JAKMIP1: variants seen among roughly 807,000 people sequenced by gnomAD.
JAKMIP1 encodes janus kinase and microtubule interacting protein 1.
A neutral mutation model predicts 113.0 loss-of-function variants in JAKMIP1; 33 were observed. That is an observed-to-expected ratio of 0.29 (90% CI 0.22 to 0.39). The LOEUF is 0.39. Ranked by LOEUF, JAKMIP1 falls within the 10% of genes least tolerant of loss-of-function variation. The pLI is 1.00. For missense variants in JAKMIP1, 813 were observed against 1,080.5 expected (o/e 0.75, Z 3.47); for synonymous variants, 480 against 459.9 (o/e 1.04, Z -0.56).
chr4:6,175,621 A>T (rs1725257453), intron 1 of JAKMIP1, among the ~76,000 whole-genome samples: 1 of 152,206 alleles, frequency 6.6e-6, no homozygotes, highest in African/African-American at 2.4e-5. Context: ...GACTCACTCC[A>T]GCATGGCTGG....
At chr4:6,055,849 C>CA (rs1307272773) in intron 12 of JAKMIP1, among the ~76,000 whole-genome samples, 2 of 148,952 alleles carry the variant, frequency 1.3e-5, no homozygotes, top group Non-Finnish European at 1.5e-5. Flanking sequence ...AGGGTATCCC[C>CA]AGAGGTCGGG....
intron 8 of JAKMIP1, among the ~76,000 whole-genome samples, chr4:6,075,457 GGGA>G (rs1719573331): frequency 6.6e-6 from 1 of 152,110 alleles, no homozygotes. Context: ...GTAGGAACAT[GGGA>G]GAAAACTTGG....
intron 1 of JAKMIP1, among the ~76,000 whole-genome samples, chr4:6,171,873 G>A (rs1367258613): frequency 6.6e-6 from 1 of 152,122 alleles, no homozygotes; most frequent in Non-Finnish European, 1.5e-5. Context: ...CATTAAGTGG[G>A]GACAATGCCT....
At chr4:6,043,879 G>A (rs1242924241) in intron 16 of JAKMIP1, among the ~76,000 whole-genome samples, 1 of 151,982 alleles carries the variant, frequency 6.6e-6, no homozygotes, top group African/African-American at 2.4e-5. Context: ...AGTGTGGGGT[G>A]GCCCCTGTGA....
intron 18 of JAKMIP1, among the ~76,000 whole-genome samples, chr4:6,039,823 GTCTT>G (rs1714078741): frequency 6.6e-6 from 1 of 152,086 alleles, no homozygotes; most frequent in Admixed American, 6.5e-5. Flanking sequence ...CCTGCTCTCT[GTCTT>G]CCTGGAGCCT....
chr4:6,127,323 A>G (rs1717837323), intron 1 of JAKMIP1, among the ~76,000 whole-genome samples: 1 of 152,216 alleles, frequency 6.6e-6, no homozygotes, highest in South Asian at 2.1e-4. Context: ...CGGAGCCACA[A>G]GCATGGCACA....
Position 6,065,427 on chromosome 4 carries a change from AAGG to A in JAKMIP1, c.1303-422_1303-420del, listed in dbSNP as rs1234033146. Among the ~76,000 whole-genome samples the A allele has an allele frequency of 6.6e-6, 1 of 152,218 alleles. No individual in the cohort carries two copies. Among genetic ancestry groups the A allele is most frequent in the African/African-American group, 2.4e-5 (1 of 41,460 alleles). On this transcript the variant is annotated intron_variant, in intron 8 of 20. Transcript: ENST00000409021. The surrounding 1 kb of genome is among the most constrained non-coding windows in gnomAD (Gnocchi z 5.1). The stretch of plus-strand genomic sequence containing the variant: ...CCATGAGCAGCGCACTGGCTGTACC[AAGG>A]AGAAGGGGGACAGGGTCCAGGGAGA...
intron 1 of JAKMIP1, among the ~76,000 whole-genome samples, chr4:6,151,988 G>A (rs865884551): frequency 2.0e-5 from 3 of 152,110 alleles, no homozygotes; most frequent in Non-Finnish European, 2.9e-5. Flanking sequence ...TACGGGGCTC[G>A]CCACTATGCC....
chr4:6,117,514 ACC>A, intron 1 of JAKMIP1, among the ~76,000 whole-genome samples: 1 of 126,154 alleles, frequency 7.9e-6, no homozygotes, highest in South Asian at 2.5e-4. Flanking sequence ...GGACCACAGG[ACC>A]AGGACCGAAG....
Position 6,140,519 on chromosome 4 carries a change from T to C in JAKMIP1, c.-147-27522A>G, listed in dbSNP as rs541474671. On this transcript the variant is annotated intron_variant, in intron 1 of 20. Transcript: ENST00000409021. This position sits in a 1 kb window ranked among gnomAD's most constrained non-coding sequence, Gnocchi z 9.4. ...ATCAGCTTAAGGCCCCTTCCAATAA[T>C]GTGGCTCGGGTCTTTCTGCAGGGTC... 1.3e-5 allele frequency among the ~76,000 whole-genome samples: 2 copies of C among 152,172 alleles called. No individual in the cohort carries two copies. Among genetic ancestry groups the C allele is most frequent in the East Asian group, 3.9e-4 (2 of 5,176 alleles).
At chr4:6,133,615 G>A (rs1718828672) in intron 1 of JAKMIP1, among the ~76,000 whole-genome samples, 1 of 152,162 alleles carries the variant, frequency 6.6e-6, no homozygotes, top group South Asian at 2.1e-4. Flanking sequence ...GGCGCATGGA[G>A]GGAGAATCAT....
intron 16 of JAKMIP1, among the ~76,000 whole-genome samples, chr4:6,047,200 G>A (rs1392798893): frequency 6.6e-6 from 1 of 152,236 alleles, no homozygotes; most frequent in African/African-American, 2.4e-5. Context: ...CAAGCCAGGA[G>A]AGGCCTCCCC....
chr4:6,119,804 A>G (rs1245849828), intron 1 of JAKMIP1, among the ~76,000 whole-genome samples: 2 of 152,220 alleles, frequency 1.3e-5, no homozygotes, highest in African/African-American at 4.8e-5. Flanking sequence ...CAAGGTGCAG[A>G]TGGAAAAAGT....
Position 6,150,857 on chromosome 4 carries a change from C to T in JAKMIP1, c.-147-37860G>A, listed in dbSNP as rs147038707. ...TTGAGCAAGACAGTAATAATGTCTG[C>T]CACCGGAAGACACCCAGTGCAACAC... On this transcript the variant is annotated intron_variant, in intron 1 of 20. Transcript: ENST00000409021. This position sits in a 1 kb window ranked among gnomAD's most constrained non-coding sequence, Gnocchi z 4.8. 1.1e-3 allele frequency among the ~76,000 whole-genome samples: 162 copies of T among 152,310 alleles called. No individual in the cohort carries two copies. The highest frequency in any genetic ancestry group is 3.8e-3 in the African/African-American group (157 of 41,558).
intron 1 of JAKMIP1, among the ~76,000 whole-genome samples, chr4:6,189,253 A>T (rs1022818253): frequency 1.3e-5 from 2 of 152,262 alleles, no homozygotes; most frequent in Non-Finnish European, 2.9e-5. Context: ...AGCAGGCTGC[A>T]CCGTAAGGTA....
chr4:6,043,190 G>A (rs923082580), intron 16 of JAKMIP1, among the ~76,000 whole-genome samples: 3 of 151,876 alleles, frequency 2.0e-5, no homozygotes, highest in Admixed American at 6.6e-5. Flanking sequence ...GCTGCGGAGC[G>A]CCCTCTTTCC....
At chr4:6,118,431 G>A (rs1309050932) in intron 1 of JAKMIP1, among the ~76,000 whole-genome samples, 2 of 152,244 alleles carry the variant, frequency 1.3e-5, no homozygotes, top group African/African-American at 4.8e-5. Flanking sequence ...TGGAGGCTGG[G>A]ACAAGGGGCA....
chr4:6,110,341 A>T (rs1714717283), intron 2 of JAKMIP1, among the ~76,000 whole-genome samples: 1 of 152,054 alleles, frequency 6.6e-6, no homozygotes, highest in African/African-American at 2.4e-5. Flanking sequence ...GAGGCTTCAG[A>T]AGGAGCCAAT....
intron 2 of JAKMIP1, among the ~76,000 whole-genome samples, chr4:6,109,294 G>A (rs1412785264): frequency 9.2e-5 from 14 of 151,800 alleles, no homozygotes; most frequent in South Asian, 4.2e-4. Context: ...CACTGCGCCC[G>A]GCTAATTTTT....
Sources: gnomAD v4.1 joint callset for allele counts (sites outside exome capture counted in the v4.1 genomes callset) on GRCh38, gnomAD v4.1.1 for gene constraint, Gnocchi (gnomAD v3.1) non-coding constraint, MANE v1.5 for transcripts, NCBI Gene and HGNC (gene_info 2026-07-23, HGNC 2026-07-21) for gene names.